UBE3D: variants seen among roughly 807,000 people sequenced by gnomAD.
The protein encoded by UBE3D is E3 ubiquitin-protein ligase E3D.
Under a neutral mutation model 49.6 loss-of-function variants are expected in UBE3D, and 48 were observed. That is an observed-to-expected ratio of 0.97 (90% CI 0.77 to 1.23). UBE3D has a LOEUF of 1.23. Ranked by LOEUF, UBE3D falls within the 50% of genes most tolerant of loss-of-function variation. The probability of loss-of-function intolerance (pLI) is 0.00; values close to 1 mark genes in which losing one functional copy is unlikely to be tolerated. For synonymous variants in UBE3D, 189 were observed against 174.2 expected, an observed-to-expected ratio of 1.08 and a Z score of -0.67; for missense variants, 452 against 468.4, an observed-to-expected ratio of 0.96 and a Z score of 0.32.
At chr6:82,931,024 T>C (rs1170031450) in intron 9 of UBE3D, among the ~76,000 whole-genome samples, 2 of 152,150 alleles carry the variant, frequency 1.3e-5, no homozygotes, top group African/African-American at 4.8e-5. Context: ...AGGGCTGCCC[T>C]GCTATGTGCA....
intron 9 of UBE3D, among the ~76,000 whole-genome samples, chr6:82,944,409 C>T (rs1011603769): frequency 9.9e-5 from 15 of 152,138 alleles, no homozygotes; most frequent in Admixed American, 9.8e-4. Context: ...CAGGCAAAGC[C>T]TATCATCTGA....
intron 8 of UBE3D, among the ~76,000 whole-genome samples, chr6:82,996,399 A>G (rs1224232178): frequency 6.6e-6 from 1 of 152,186 alleles, no homozygotes; most frequent in Non-Finnish European, 1.5e-5. Context: ...AAATAAATAT[A>G]CATGAGTCCT....
chr6:82,926,404 G>A (rs1341035680), intron 9 of UBE3D, among the ~76,000 whole-genome samples: 1 of 152,092 alleles, frequency 6.6e-6, no homozygotes, highest in South Asian at 2.1e-4. Context: ...TGGCAATTAT[G>A]AATAAAGCTG....
chr6:83,028,886 G>C (rs564458898), intron 5 of UBE3D, among the ~76,000 whole-genome samples: 4 of 152,206 alleles, frequency 2.6e-5, no homozygotes, highest in Admixed American at 6.5e-5. Context: ...GCTAGATACA[G>C]TACTGTTGGT....
intron 8 of UBE3D, among the ~76,000 whole-genome samples, chr6:82,957,948 TAAAAA>T (rs949590074): frequency 6.7e-6 from 1 of 150,372 alleles, no homozygotes; most frequent in East Asian, 1.9e-4. Flanking sequence ...ATCCTTTTGT[TAAAAA>T]AAAAATCTTG....
intron 9 of UBE3D, among the ~76,000 whole-genome samples, chr6:82,935,009 C>T (rs1167110155): frequency 2.8e-5 from 3 of 105,762 alleles, no homozygotes; most frequent in African/African-American, 9.8e-5. Flanking sequence ...GCAAGAATGA[C>T]TCTAATAGTA....
At chr6:82,960,800 T>C (rs1357056487) in intron 8 of UBE3D, among the ~76,000 whole-genome samples, 1 of 152,072 alleles carries the variant, frequency 6.6e-6, no homozygotes, top group African/African-American at 2.4e-5. Flanking sequence ...ATTAACCTCT[T>C]ACTGGCTAAA....
chr6:82,991,366 T>A (rs1778871573), intron 8 of UBE3D, among the ~76,000 whole-genome samples: 1 of 152,178 alleles, frequency 6.6e-6, no homozygotes, highest in South Asian at 2.1e-4. Flanking sequence ...GAAGGTGGTA[T>A]TATGTTTAAT....
At chr6:83,039,630 T>G (rs547199290) in intron 4 of UBE3D, among the ~76,000 whole-genome samples, 86 of 152,076 alleles carry the variant, frequency 5.7e-4, no homozygotes, top group African/African-American at 1.9e-3. Flanking sequence ...TGTGTTTTGT[T>G]TTTTTTTGTT....
rs1784234879 is a variant in UBE3D at position 83,062,517 on chromosome 6, A to G, written c.77+3125T>C. Among the ~76,000 whole-genome samples, 4 of 152,302 alleles carry G rather than the reference A, an allele frequency of 2.6e-5. No homozygotes were observed. In the South Asian group the frequency reaches 8.3e-4, roughly 32 times the overall value. ...TGCCACATTGGGGATCAAAGTGAGA[A>G]AACATAGGGACAAAACACATCCAAA... is the stretch of plus-strand genomic sequence containing the variant. On this transcript the variant is annotated intron_variant, in intron 1 of 9. Coordinates refer to ENST00000369747, the MANE Select transcript of UBE3D (RefSeq NM_198920.3).
chr6:82,946,077 A>AG (rs1775379728), intron 9 of UBE3D, among the ~76,000 whole-genome samples: 1 of 152,194 alleles, frequency 6.6e-6, no homozygotes, highest in African/African-American at 2.4e-5. Context: ...GAAAGAGATA[A>AG]GGGAAGTAAG....
At chr6:83,015,998 C>T (rs1780672734) in intron 8 of UBE3D, among the ~76,000 whole-genome samples, 1 of 152,172 alleles carries the variant, frequency 6.6e-6, no homozygotes. Flanking sequence ...TGCAGGGTCC[C>T]ATTTTTTCCC....
At chr6:83,001,045 T>A (rs546277371) in intron 8 of UBE3D, among the ~76,000 whole-genome samples, 1 of 152,134 alleles carries the variant, frequency 6.6e-6, no homozygotes. Flanking sequence ...GGTTTCTCCA[T>A]GTTGGTCAGG....
chr6:82,995,556 T>C (rs1366421307), intron 8 of UBE3D, among the ~76,000 whole-genome samples: 1 of 149,200 alleles, frequency 6.7e-6, no homozygotes, highest in African/African-American at 2.5e-5. Context: ...GAACAGGCTA[T>C]TCACAGAAAA....
rs773062216 is a variant in UBE3D, at chr6:83,038,400, G to C, written c.667+16C>G. 1.2e-6 allele frequency: 2 copies of C among 1,606,190 alleles called. No homozygotes were observed. The highest frequency in any genetic ancestry group is 8.5e-7 in the Non-Finnish European group (1 of 1,176,780). On this transcript the variant is annotated intron_variant, in intron 5 of 9. Transcript: ENST00000369747. ...AAGAAGCCAATCATTTTGGCTTCTT[G>C]TTATGAAATTCTTACCTGATGACAC...
At chr6:82,965,519 G>C (rs1445678539) in intron 8 of UBE3D, among the ~76,000 whole-genome samples, 1 of 150,528 alleles carries the variant, frequency 6.6e-6, no homozygotes, top group East Asian at 2.0e-4. Flanking sequence ...GGAGGCAGAG[G>C]TTGCGGTGAG....
intron 3 of UBE3D, among the ~76,000 whole-genome samples, chr6:83,052,115 C>T (rs1783510760): frequency 2.6e-5 from 4 of 152,204 alleles, no homozygotes; most frequent in Admixed American, 6.5e-5. Context: ...CACTTAAACT[C>T]ACTCCATTCT....
chr6:83,055,613 G>A (rs1783765727), intron 2 of UBE3D, among the ~76,000 whole-genome samples: 1 of 152,164 alleles, frequency 6.6e-6, no homozygotes, highest in African/African-American at 2.4e-5. Context: ...TTCTGATATA[G>A]AGGAATCCTG....
chr6:82,986,405 A>C (rs985674902), intron 8 of UBE3D, among the ~76,000 whole-genome samples: 3 of 129,068 alleles, frequency 2.3e-5, no homozygotes, highest in African/African-American at 8.8e-5. Flanking sequence ...CAAGAAGTGG[A>C]GGTTGCAGTG....
Sources: gnomAD v4.1 joint callset for allele counts (sites outside exome capture counted in the v4.1 genomes callset) on GRCh38, gnomAD v4.1.1 for gene constraint, MANE v1.5 for transcripts, NCBI Gene and HGNC (gene_info 2026-07-23, HGNC 2026-07-21) for gene names.